Variants in NUMA1 observed in about 807,000 individuals in gnomAD.
The protein encoded by NUMA1 is SP-H antigen.
In NUMA1, 62 loss-of-function variants were observed where a neutral mutation model predicts 237.1. The observed-to-expected ratio is 0.26, with a 90% CI of 0.21 to 0.32. The LOEUF is 0.32. NUMA1 is among the 10% of genes least tolerant of loss of function. The pLI, the probability that NUMA1 is intolerant of heterozygous loss-of-function variation, is 1.00. For missense variants in NUMA1, 2,533 were observed against 2,666.5 expected (o/e 0.95, Z 1.10); for synonymous variants, 1,028 against 1,066.1 (o/e 0.96, Z 0.70).
intron 1 of NUMA1, among the ~76,000 whole-genome samples, chr11:72,074,970 G>C (rs1045776474): frequency 1.3e-5 from 2 of 151,994 alleles, no homozygotes; most frequent in African/African-American, 4.8e-5. Flanking sequence ...AGAGGCGGAG[G>C]TTGCAGTGAG....
intron 3 of NUMA1, among the ~76,000 whole-genome samples, chr11:72,030,228 A>G (rs552723813): frequency 2.4e-4 from 37 of 152,006 alleles, no homozygotes; most frequent in African/African-American, 8.2e-4. Context: ...CCAGCTACTT[A>G]GAAGGCTGAG....
intron 2 of NUMA1, among the ~76,000 whole-genome samples, chr11:72,036,962 G>A (rs1349064236): frequency 6.6e-6 from 1 of 152,154 alleles, no homozygotes; most frequent in Non-Finnish European, 1.5e-5. Flanking sequence ...AACAAGAGTG[G>A]TAAGAGCCAC....
chr11:72,046,324 C>A (rs1425442201), intron 2 of NUMA1, among the ~76,000 whole-genome samples: 1 of 151,980 alleles, frequency 6.6e-6, no homozygotes, highest in Non-Finnish European at 1.5e-5. Flanking sequence ...GCAGGCGGAT[C>A]ACCTGAGGTC....
At chr11:72,062,930 G>A (rs1227965847) in intron 2 of NUMA1, among the ~76,000 whole-genome samples, 5 of 151,986 alleles carry the variant, frequency 3.3e-5, no homozygotes, top group Admixed American at 1.3e-4. Context: ...TTAGCTGGGC[G>A]TGGTGGCACA....
At chr11:72,077,680 T>G (rs376757522) in intron 1 of NUMA1, among the ~76,000 whole-genome samples, 13 of 151,816 alleles carry the variant, frequency 8.6e-5, no homozygotes, top group African/African-American at 2.9e-4. Context: ...CAGGCGTGGT[T>G]GCGGGCGCCT....
intron 19 of NUMA1, 45 bp downstream of exon 19, chr11:72,008,922 T>A: frequency 6.2e-7 from 1 of 1,611,620 alleles, no homozygotes; most frequent in Non-Finnish European, 8.5e-7. Flanking sequence ...GGCACAGGGG[T>A]CCAGTGGAAT....
rs1421047058 is a variant in NUMA1 at position 72,017,489 on chromosome 11, T to C, written c.1119+198A>G. The C allele has an allele frequency of 7.2e-5, 42 of 583,550 alleles. 1 individual carries two copies. Among genetic ancestry groups the C allele is most frequent in the Non-Finnish European group, 1.2e-4 (40 of 333,794 alleles). 36.1% of individuals were successfully genotyped at this position (583,550 alleles called of 1,614,324 possible). ...AAGGTGTACTATAAAGTGAGGGCAT[T>C]GACTGGGGAAAAAAAAAATAAGTTA... On this transcript the variant is annotated intron_variant, in intron 13 of 26. Transcript: ENST00000393695.
rs1227987197 is a variant in NUMA1, at chr11:72,003,008, TCC to T, written c.*517_*518del. ...GGGTGTGAGCTGCTGCTGAAGGCTG[TCC>T]CCCAACCCCACTCCTGAGACATAGG... On this transcript the variant is annotated 3_prime_UTR_variant, in exon 27 of 27. Transcript: ENST00000393695. 1.7e-5 allele frequency: 4 copies of T among 235,098 alleles called. No homozygotes were observed. In the Admixed American group the frequency reaches 2.2e-4, roughly 13 times the overall value. 14.6% of individuals were successfully genotyped at this position (235,098 alleles called of 1,614,324 possible).
rs576218802 is a variant in NUMA1 at position 72,077,283 on chromosome 11, T to C, written c.-103+3175A>G. Among the ~76,000 whole-genome samples, 23 of 152,294 alleles carry C rather than the reference T, an allele frequency of 1.5e-4. No individual in the cohort carries two copies. In the East Asian group the frequency reaches 3.9e-3, roughly 26 times the overall value. On this transcript the variant is annotated intron_variant, in intron 1 of 26. Coordinates refer to ENST00000393695, the MANE Select transcript of NUMA1 (RefSeq NM_006185.4). ...GGAATTACTATATGCCCCCAGTATA[T>C]AGTGATTTAAGAAAATTAAATTCAC...
intron 1 of NUMA1, 177 bp downstream of exon 1, chr11:72,080,281 G>A (rs1224769295): frequency 3.3e-4 from 2 of 6,044 alleles, no homozygotes; most frequent in Non-Finnish European, 6.2e-4. Flanking sequence ...CCCCCCCCCC[G>A]GCTCCTCCCT....
chr11:72,058,086 T>C (rs960010782), intron 2 of NUMA1, among the ~76,000 whole-genome samples: 2 of 151,948 alleles, frequency 1.3e-5, no homozygotes, highest in Non-Finnish European at 2.9e-5. Context: ...AAAAACATAA[T>C]AATAATTAAT....
Position 72,007,420 on chromosome 11 carries a change from G to A in NUMA1, c.5232C>T (p.Thr1744=). Residue 1744 remains threonine, a synonymous_variant, in exon 21 of 27, where the codon ACC becomes ACT. Coordinates refer to ENST00000393695, the MANE Select transcript of NUMA1 (RefSeq NM_006185.4). ...PLSITSKLPR[T]QPDGTSVPGE... ...CAGGGACGCTGGTGCCGTCTGGCTG[G>A]GTACGAGGCAGCTTGCTATGGAAAG... 1.2e-6 allele frequency: 2 copies of A among 1,613,552 alleles called. No individual in the cohort carries two copies. The highest frequency in any genetic ancestry group is 8.5e-7 in the Non-Finnish European group (1 of 1,179,916).
chr11:72,009,399 G>A lies in NUMA1; in HGVS notation c.4720-12C>T, dbSNP rs1429501731. 1 of 1,594,136 alleles carries A rather than the reference G, an allele frequency of 6.3e-7. No individual in the cohort carries two copies. The highest frequency in any genetic ancestry group is 2.2e-5 in the East Asian group (1 of 44,802). ...TGAGCCTGGACAGCCTGAGAAGAAA[G>A]GCCACTCAGGAAAGCTGGTCTGGCC... On this transcript the variant is annotated splice_polypyrimidine_tract_variant and intron_variant, in intron 17 of 26. Transcript: ENST00000393695.
rs951103285 is a variant in NUMA1 at position 72,074,478 on chromosome 11, G to A, written c.-102-4567C>T. Among the ~76,000 whole-genome samples, 9 of 152,354 alleles carry A rather than the reference G, an allele frequency of 5.9e-5. No homozygotes were observed. The South Asian group carries it at 1.2e-3, about 21-fold the overall frequency. On this transcript the variant is annotated intron_variant, in intron 1 of 26. Transcript: ENST00000393695. Reference sequence around the variant, plus strand: ...GTTGATACAACAGACCAGGCTGGGTGTGGTGGTTTGTGCTTGTAATCCCAG... The same window carrying A: ...GTTGATACAACAGACCAGGCTGGGTATGGTGGTTTGTGCTTGTAATCCCAG...
chr11:72,032,019 G>A (rs1590981946), intron 3 of NUMA1, among the ~76,000 whole-genome samples: 1 of 150,870 alleles, frequency 6.6e-6, no homozygotes, highest in Non-Finnish European at 1.5e-5. Context: ...GCCCAGCATG[G>A]TGGTGCATGC....
chr11:72,051,038 G>A (rs112815767), intron 2 of NUMA1, among the ~76,000 whole-genome samples: 1,695 of 152,036 alleles, frequency 0.011, 20 homozygotes, highest in African/African-American at 0.039. Flanking sequence ...CAACAGGCAC[G>A]CGCCACCACG....
chr11:72,016,028 T>A lies in NUMA1; in HGVS notation c.1475A>T (p.His492Leu). 6.2e-7 allele frequency: 1 copy of A among 1,613,984 alleles called. No individual in the cohort carries two copies. Among genetic ancestry groups the A allele is most frequent in the Non-Finnish European group, 8.5e-7 (1 of 1,179,990 alleles). ...KEELEQASQAHGARLTAQVAS... is the reference protein window; with the variant it reads ...KEELEQASQALGARLTAQVAS... The stretch of plus-strand genomic sequence containing the variant: ...CACCTGGGCAGTCAACCGGGCCCCA[T>A]GAGCCTGGGAGGCCTGCTCCAGCTC... The change falls in exon 15 of 27, where the codon CAT (histidine) becomes CTT (leucine). Residue 492 changes from histidine (H) to leucine (L), a missense_variant. His to Leu is a moderately conservative substitution (Grantham distance 99). Coordinates refer to ENST00000393695, the MANE Select transcript of NUMA1 (RefSeq NM_006185.4).
chr11:72,005,476 G>T, intron 22 of NUMA1, 107 bp from the exon 23 acceptor site: 2 of 1,043,716 alleles, frequency 1.9e-6, no homozygotes, highest in Non-Finnish European at 2.9e-6. Flanking sequence ...TAAACTTGAA[G>T]CCCAGCACAC....
In NUMA1 at chr11:72,015,510, C is replaced by G; in HGVS notation, c.1993G>C (p.Glu665Gln). 6.2e-7 allele frequency: 1 copy of G among 1,613,392 alleles called. No homozygotes were observed. Among genetic ancestry groups the G allele is most frequent in the African/African-American group, 1.3e-5 (1 of 75,068 alleles). The change falls in exon 15 of 27, where the codon GAA (glutamate) becomes CAA (glutamine). Residue 665 changes from glutamate (E) to glutamine (Q), a missense_variant. Physicochemically the swap from Glu to Gln is conservative, Grantham distance 29. Transcript: ENST00000393695. The surrounding 1 kb of genome is among the most constrained non-coding windows in gnomAD (Gnocchi z 4.0). ...LQACVETARQ[E>Q]QHEAQAQVAE... ...ACCTGGGCCTGGGCCTCATGCTGTTCCTGGCGGGCTGTCTCAACACAGGCC... is the reference window on the plus strand; with the variant it reads ...ACCTGGGCCTGGGCCTCATGCTGTTGCTGGCGGGCTGTCTCAACACAGGCC...
Sources: allele counts gnomAD v4.1 joint callset (sites outside exome capture counted in the v4.1 genomes callset), GRCh38; gene constraint gnomAD v4.1.1; non-coding constraint Gnocchi (gnomAD v3.1); transcripts MANE v1.5; gene names NCBI Gene and HGNC (gene_info 2026-07-23, HGNC 2026-07-21).